The following THSD4 variants were observed in gnomAD, a reference collection of about 807,000 sequenced individuals.
THSD4 encodes thrombospondin type-1 domain-containing protein 4.
In THSD4, 69 loss-of-function variants were observed where a neutral mutation model predicts 119.0. The observed-to-expected ratio is 0.58, with a 90% CI of 0.48 to 0.71. The LOEUF is 0.71. Among genes scored for constraint, THSD4 ranks in the 30% least tolerant of loss-of-function variants. THSD4 has a pLI of 0.00. For missense variants in THSD4, 1,393 were observed against 1,391.1 expected (o/e 1.00, Z -0.02); for synonymous variants, 524 against 540.4 (o/e 0.97, Z 0.42).
At chr15:71,450,188 T>C (rs183283345) in intron 7 of THSD4, among the ~76,000 whole-genome samples, 62 of 152,298 alleles carry the variant, frequency 4.1e-4, no homozygotes, top group African/African-American at 1.4e-3. Flanking sequence ...CCTTGAGTCA[T>C]TGTAGTTAGT....
intron 7 of THSD4, among the ~76,000 whole-genome samples, chr15:71,430,370 A>G (rs2046926320): frequency 2.6e-5 from 4 of 152,208 alleles, no homozygotes; most frequent in Admixed American, 6.5e-5. Flanking sequence ...GATTACTTGC[A>G]TAAAGTACAA....
chr15:71,276,414 C>G (rs1424776394), intron 6 of THSD4, among the ~76,000 whole-genome samples: 2 of 152,132 alleles, frequency 1.3e-5, no homozygotes, highest in Non-Finnish European at 2.9e-5. Flanking sequence ...CTGACTCTTC[C>G]CTTTAGAGTG....
At chr15:71,585,860 G>C (rs145295625) in intron 7 of THSD4, among the ~76,000 whole-genome samples, 2 of 152,102 alleles carry the variant, frequency 1.3e-5, no homozygotes, top group East Asian at 3.9e-4. Context: ...CTGCGTGATT[G>C]AGTCTGTTGT....
intron 14 of THSD4, among the ~76,000 whole-genome samples, chr15:71,753,520 C>G (rs1456030943): frequency 6.6e-6 from 1 of 152,224 alleles, no homozygotes; most frequent in East Asian, 1.9e-4. Flanking sequence ...TTAACTGTTG[C>G]TGGAATGAGA....
intron 3 of THSD4, among the ~76,000 whole-genome samples, chr15:71,199,562 GGTGTGTGTGTA>G (rs2043756040): frequency 7.0e-6 from 1 of 143,874 alleles, no homozygotes; most frequent in Non-Finnish European, 1.5e-5. Flanking sequence ...GTGTGTATGT[GGTGTGTGTGTA>G]GTGTGTGTGT....
intron 3 of THSD4, among the ~76,000 whole-genome samples, chr15:71,195,687 A>T (rs1268427527): frequency 6.6e-6 from 1 of 152,174 alleles, no homozygotes; most frequent in Non-Finnish European, 1.5e-5. Flanking sequence ...AGGGGGAGAC[A>T]CTGATAAAAG....
chr15:71,332,816 G>T (rs531021746), intron 6 of THSD4, among the ~76,000 whole-genome samples: 1 of 150,818 alleles, frequency 6.6e-6, no homozygotes, highest in Non-Finnish European at 1.5e-5. Context: ...TGTCCAACCC[G>T]TGTCTTGTGG....
chr15:71,743,677 C>G (rs751611826), intron 11 of THSD4, among the ~76,000 whole-genome samples: 8 of 152,200 alleles, frequency 5.3e-5, no homozygotes, highest in Non-Finnish European at 1.0e-4. Flanking sequence ...TATAGCCACA[C>G]TGTAAATTTT....
intron 6 of THSD4, among the ~76,000 whole-genome samples, chr15:71,389,949 CGCCCACCACCACA>C (rs2046354264): frequency 6.6e-6 from 1 of 151,474 alleles, no homozygotes; most frequent in African/African-American, 2.4e-5. Context: ...GGACTACAGG[CGCCCACCACCACA>C]CCCAGCTAAT....
intron 7 of THSD4, among the ~76,000 whole-genome samples, chr15:71,633,336 C>T (rs7171088): frequency 0.28 from 39,007 of 137,238 alleles, 5,915 homozygotes; most frequent in East Asian, 0.63. Context: ...AGTGCAGTGG[C>T]GCAATCATAG....
At chr15:71,553,477 C>A (rs765623039) in intron 7 of THSD4, among the ~76,000 whole-genome samples, 10 of 152,160 alleles carry the variant, frequency 6.6e-5, no homozygotes, top group Non-Finnish European at 1.2e-4. Context: ...AGGTTTTGTG[C>A]CACCACACCC....
chr15:71,555,432 A>G lies in THSD4; in HGVS notation c.1153-105098A>G, dbSNP rs148348763. Among the ~76,000 whole-genome samples, 11 of 152,356 alleles carry G rather than the reference A, an allele frequency of 7.2e-5. No individual in the cohort carries two copies. The East Asian group carries it at 1.5e-3, about 21-fold the overall frequency. ...TATTGTATAATGTTTATGTGTATACATATCATTCACGTTTCCTCTTCTGTG... is the reference window on the plus strand; with the variant it reads ...TATTGTATAATGTTTATGTGTATACGTATCATTCACGTTTCCTCTTCTGTG... On this transcript the variant is annotated intron_variant, in intron 7 of 17. Transcript: ENST00000261862.
chr15:71,310,053 A>G (rs1190224639), intron 6 of THSD4, among the ~76,000 whole-genome samples: 3 of 152,218 alleles, frequency 2.0e-5, no homozygotes, highest in Non-Finnish European at 2.9e-5. Context: ...CTGACATACC[A>G]TAGAAAGCTA....
chr15:71,641,648 T>TA (rs141817200), intron 7 of THSD4, among the ~76,000 whole-genome samples: 279 of 152,286 alleles, frequency 1.8e-3, no homozygotes, highest in South Asian at 0.014. Flanking sequence ...CATTTCTACT[T>TA]ATGGTGATTT....
intron 7 of THSD4, among the ~76,000 whole-genome samples, chr15:71,539,444 T>C (rs1181417027): frequency 6.6e-6 from 1 of 152,228 alleles, no homozygotes; most frequent in Admixed American, 6.5e-5. Context: ...TCATAAAGAA[T>C]ACACATTCTT....
chr15:71,482,725 A>G (rs957820136), intron 7 of THSD4, among the ~76,000 whole-genome samples: 1 of 152,124 alleles, frequency 6.6e-6, no homozygotes, highest in Non-Finnish European at 1.5e-5. Flanking sequence ...AGCTGAGACT[A>G]CAGGTGGCCG....
At chr15:71,295,967 T>G (rs112370048) in intron 6 of THSD4, among the ~76,000 whole-genome samples, 3 of 152,242 alleles carry the variant, frequency 2.0e-5, no homozygotes, top group African/African-American at 7.2e-5. Flanking sequence ...TTGAGGTTCA[T>G]TAATACTGTA....
At chr15:71,110,972 G>A (rs1567127950), upstream of THSD4, 5 of 638,898 alleles carry the variant, frequency 7.8e-6, no homozygotes, top group Non-Finnish European at 1.3e-5. Context: ...GGGAGGCTGT[G>A]GACTGGAGGC....
At position 71,777,958 on chromosome 15, in the gene THSD4, A is replaced by C; in HGVS notation, c.*584A>C. On this transcript the variant is annotated 3_prime_UTR_variant, in exon 18 of 18. Transcript: ENST00000261862. Reference sequence around the variant, plus strand: ...TGTGCTTTATTTAGCAGGTGTACTCACAGATACTAGCTCCTTAGCAGCTCA... The same window carrying C: ...TGTGCTTTATTTAGCAGGTGTACTCCCAGATACTAGCTCCTTAGCAGCTCA... The C allele has an allele frequency of 6.5e-6, 1 of 154,092 alleles. No individual in the cohort carries two copies. The highest frequency in any genetic ancestry group is 6.4e-5 in the Admixed American group (1 of 15,730). The allele number at this position is 154,092 out of a possible 1,614,324, so 9.5% of individuals were successfully genotyped here.
Sources: allele counts gnomAD v4.1 joint callset (sites outside exome capture counted in the v4.1 genomes callset), GRCh38; gene constraint gnomAD v4.1.1; transcripts MANE v1.5; gene names NCBI Gene and HGNC (gene_info 2026-07-23, HGNC 2026-07-21).